The following MACROD2 variants were observed in gnomAD, a reference collection of about 807,000 sequenced individuals.
MACROD2 encodes the protein ADP-ribose glycohydrolase MACROD2.
Under a neutral mutation model 70.4 loss-of-function variants are expected in MACROD2, and 36 were observed. That is an observed-to-expected ratio of 0.51 (90% confidence interval 0.39 to 0.68). The LOEUF is 0.68. MACROD2 is among the 30% of genes least tolerant of loss of function. The probability of loss-of-function intolerance (pLI) is 0.00; values close to 1 mark genes in which losing one functional copy is unlikely to be tolerated. For synonymous variants in MACROD2, 172 were observed against 178.8 expected (o/e 0.96, Z 0.30); for missense variants, 496 against 538.4 (o/e 0.92, Z 0.78).
chr20:14,010,971 A>C (rs1333695761), intron 2 of MACROD2, among the ~76,000 whole-genome samples: 2 of 152,116 alleles, frequency 1.3e-5, no homozygotes, highest in African/African-American at 2.4e-5. Flanking sequence ...TCAGTGGTGT[A>C]ATTCTTCCAA....
intron 8 of MACROD2, among the ~76,000 whole-genome samples, chr20:15,566,493 G>A (rs1276051728): frequency 1.4e-5 from 2 of 143,230 alleles, no homozygotes; most frequent in Admixed American, 6.7e-5. Flanking sequence ...GTGAGACTCT[G>A]TCTCCAAAAA....
At chr20:14,490,767 T>G (rs1380187082) in intron 3 of MACROD2, among the ~76,000 whole-genome samples, 1 of 152,174 alleles carries the variant, frequency 6.6e-6, no homozygotes, top group Non-Finnish European at 1.5e-5. Context: ...TAGGCATTCT[T>G]ACTAAGCATT....
At chr20:14,882,363 A>G (rs74902241) in intron 5 of MACROD2, among the ~76,000 whole-genome samples, 1 of 152,288 alleles carries the variant, frequency 6.6e-6, no homozygotes, top group African/African-American at 2.4e-5. Context: ...ATTTTACTAG[A>G]TATATCTTTG....
rs1017699763 is a variant in MACROD2, at chr20:14,004,763, T to C, written c.163+2359T>C. On this transcript the variant is annotated intron_variant, in intron 2 of 17. Coordinates refer to ENST00000684519, the MANE Select transcript of MACROD2 (RefSeq NM_001351661.2). ...CATTGCTTATACATGTATAAGTAGG[T>C]ATTGATATTTATTAAATATGGGATT... is the stretch of plus-strand genomic sequence containing the variant. Among the ~76,000 whole-genome samples, 6 of 152,270 alleles carry C rather than the reference T, an allele frequency of 3.9e-5. No homozygotes were observed. In the South Asian group the frequency reaches 1.2e-3, roughly 32 times the overall value.
chr20:15,509,246 A>G (rs1431029786), intron 8 of MACROD2, among the ~76,000 whole-genome samples: 1 of 152,222 alleles, frequency 6.6e-6, no homozygotes, highest in East Asian at 1.9e-4. Context: ...GAGGACCATC[A>G]AAAGATAGTA....
intron 8 of MACROD2, among the ~76,000 whole-genome samples, chr20:15,522,261 A>G (rs1385384049): frequency 6.6e-6 from 1 of 152,154 alleles, no homozygotes; most frequent in Non-Finnish European, 1.5e-5. Flanking sequence ...AGGTAGCCCT[A>G]TTACCATGCC....
chr20:15,806,158 A>G (rs1047923166), intron 8 of MACROD2, among the ~76,000 whole-genome samples: 1 of 152,192 alleles, frequency 6.6e-6, no homozygotes, highest in African/African-American at 2.4e-5. Context: ...ATCCTCCAAC[A>G]TGCCTTTTCC....
intron 6 of MACROD2, among the ~76,000 whole-genome samples, chr20:15,399,414 A>C (rs550184456): frequency 1.3e-5 from 2 of 152,346 alleles, no homozygotes; most frequent in South Asian, 4.1e-4. Flanking sequence ...AGAAAGAAAA[A>C]TGAACCTGGC....
chr20:15,825,047 G>C (rs988241955), intron 8 of MACROD2, among the ~76,000 whole-genome samples: 1 of 152,172 alleles, frequency 6.6e-6, no homozygotes, highest in African/African-American at 2.4e-5. Context: ...TTTTTCTAAT[G>C]ATGGTCCATT....
chr20:14,066,147 AC>A (rs2148658399), intron 2 of MACROD2, among the ~76,000 whole-genome samples: 1 of 152,290 alleles, frequency 6.6e-6, no homozygotes, highest in African/African-American at 2.4e-5. Context: ...TTGATTTTCC[AC>A]TTAGGTTATA....
intron 5 of MACROD2, among the ~76,000 whole-genome samples, chr20:14,910,532 G>A (rs886966217): frequency 1.3e-5 from 2 of 152,200 alleles, no homozygotes; most frequent in African/African-American, 4.8e-5. Flanking sequence ...GAAATTTGTT[G>A]AGAGCCCGAG....
chr20:15,870,891 A>G (rs2064570723), intron 9 of MACROD2, among the ~76,000 whole-genome samples: 1 of 152,170 alleles, frequency 6.6e-6, no homozygotes, highest in African/African-American at 2.4e-5. Context: ...AAAATTTTCA[A>G]AAATTGGCTG....
intron 4 of MACROD2, among the ~76,000 whole-genome samples, chr20:14,655,368 G>GTTT (rs1424188340): frequency 1.4e-5 from 2 of 142,470 alleles, no homozygotes; most frequent in African/African-American, 5.8e-5. Context: ...TTTTGAGGGT[G>GTTT]TGCTTGTGTG....
chr20:14,196,195 C>T (rs2081430932), intron 3 of MACROD2, among the ~76,000 whole-genome samples: 1 of 152,168 alleles, frequency 6.6e-6, no homozygotes, highest in South Asian at 2.1e-4. Context: ...ACCTCCTCCC[C>T]TCTCTCCAGG....
Position 14,048,489 on chromosome 20 carries a change from TTATTAAA to T in MACROD2, c.164-37131_164-37125del, listed in dbSNP as rs1181838099. The stretch of plus-strand genomic sequence containing the variant: ...AGACCAGAAGGATCAATTTCTATGT[TTATTAAA>T]AAAGACATAAAAACCCAAAAAACTA... On this transcript the variant is annotated intron_variant, in intron 2 of 17. Coordinates refer to ENST00000684519, the MANE Select transcript of MACROD2 (RefSeq NM_001351661.2). 2.0e-5 allele frequency among the ~76,000 whole-genome samples: 3 copies of T among 152,276 alleles called. No individual in the cohort carries two copies. In the East Asian group the frequency reaches 5.8e-4, roughly 29 times the overall value.
At chr20:15,683,126 C>T (rs6105452) in intron 8 of MACROD2, among the ~76,000 whole-genome samples, 15,885 of 152,120 alleles carry the variant, frequency 0.1, 867 homozygotes, top group South Asian at 0.2. Context: ...AAAAACAGTA[C>T]GGAACATGTT....
intron 4 of MACROD2, among the ~76,000 whole-genome samples, chr20:14,555,559 G>A (rs1296992776): frequency 6.6e-6 from 1 of 151,994 alleles, no homozygotes; most frequent in African/African-American, 2.4e-5. Flanking sequence ...GGAAACTGAG[G>A]TTCTGAGATG....
At position 15,085,456 on chromosome 20, in the gene MACROD2, C is replaced by T. The variant is rs554876664; in HGVS notation, c.419-144484C>T. On this transcript the variant is annotated intron_variant, in intron 5 of 17. Transcript: ENST00000684519. ...AGGACACAAGAAAATGAAGAGCTGG[C>T]CCACAGAAGGAGAGAAAATATTTGA... Among the ~76,000 whole-genome samples the T allele has an allele frequency of 2.0e-5, 3 of 151,994 alleles. No homozygotes were observed. In the South Asian group the frequency reaches 6.2e-4, roughly 32 times the overall value.
chr20:14,045,061 C>T (rs773557572), intron 2 of MACROD2, among the ~76,000 whole-genome samples: 16 of 152,318 alleles, frequency 1.1e-4, no homozygotes, highest in Middle Eastern at 3.4e-3. Context: ...GCTTGCGGGC[C>T]GGCTTGCCGC....
Sources: gnomAD v4.1 joint callset for allele counts (sites outside exome capture counted in the v4.1 genomes callset) on GRCh38, gnomAD v4.1.1 for gene constraint, MANE v1.5 for transcripts, NCBI Gene and HGNC (gene_info 2026-07-23, HGNC 2026-07-21) for gene names.